Variants in RBP3 observed in about 807,000 individuals in gnomAD.
RBP3 encodes retinol-binding protein 3.
Under a neutral mutation model 64.8 loss-of-function variants are expected in RBP3, and 50 were observed. The ratio of observed to expected loss-of-function variants is 0.77; its 90% CI spans 0.61 to 0.98. The LOEUF (loss-of-function observed/expected upper bound fraction) is 0.98. Ranked by LOEUF, RBP3 falls within the 50% of genes least tolerant of loss-of-function variation. The pLI is 0.00. For missense variants in RBP3, 1,712 were observed against 1,660.5 expected, an observed-to-expected ratio of 1.03 and a Z score of -0.54; for synonymous variants, 828 against 730.2, an observed-to-expected ratio of 1.13 and a Z score of -2.16.
In RBP3 at chr10:47,348,783, C is replaced by G. The variant is rs143076262; in HGVS notation, c.299C>G (p.Pro100Arg). 42 of 1,613,616 alleles carry G rather than the reference C, an allele frequency of 2.6e-5. No individual in the cohort carries two copies. In the Middle Eastern group the frequency reaches 4.9e-4, roughly 19 times the overall value. ...SYEPSTPEPPPQVPALTSLSE... is the reference protein window; with the variant it reads ...SYEPSTPEPPRQVPALTSLSE... ...GAGCCCAGCACCCCCGAGCCTCCCCCACAAGTCCCAGCACTCACCAGCCTC... is the reference window on the plus strand; with the variant it reads ...GAGCCCAGCACCCCCGAGCCTCCCCGACAAGTCCCAGCACTCACCAGCCTC... The change falls in exon 1 of 4, where the codon CCA becomes CGA. Residue 100 changes from proline to arginine, a missense_variant. By Grantham distance (103) the Pro-to-Arg change is moderately radical. Coordinates refer to ENST00000584701, the MANE Select transcript of RBP3 (RefSeq NM_002900.3).
rs782460428 is a variant in RBP3, at chr10:47,348,567, T to C, written c.83T>C (p.Val28Ala). ...GPTHLFQPSL[V>A]LDMAKVLLDN... ...ACACACCTGTTCCAGCCAAGCCTGGTGCTGGACATGGCCAAGGTCCTCTTG... is the reference window on the plus strand; with the variant it reads ...ACACACCTGTTCCAGCCAAGCCTGGCGCTGGACATGGCCAAGGTCCTCTTG... Residue 28 changes from valine (V) to alanine (A), a missense_variant, in exon 1 of 4, where the codon GTG becomes GCG. Val to Ala is a moderately conservative substitution (Grantham distance 64). Coordinates refer to ENST00000584701, the MANE Select transcript of RBP3 (RefSeq NM_002900.3). The C allele has an allele frequency of 2.5e-6, 4 of 1,612,992 alleles. No individual in the cohort carries two copies. The highest frequency in any genetic ancestry group is 1.3e-5 in the African/African-American group (1 of 74,930).
chr10:47,354,983 G>A (rs1177723439), intron 2 of RBP3, among the ~76,000 whole-genome samples: 2 of 152,178 alleles, frequency 1.3e-5, no homozygotes, highest in Admixed American at 6.5e-5. Context: ...AGAATGCAAC[G>A]GGAAAAACAA....
Position 47,350,180 on chromosome 10 carries a change from G to A in RBP3, c.1696G>A (p.Gly566Ser). Residue 566 changes from glycine (G) to serine (S), a missense_variant, in exon 1 of 4, where the codon GGT becomes AGT. Physicochemically the swap from Gly to Ser is moderately conservative, Grantham distance 56. Coordinates refer to ENST00000584701, the MANE Select transcript of RBP3 (RefSeq NM_002900.3). ...GTCGCTGGGCTGGGCCACACTGGTAGGTGAGATCACCGCGGGCAACCTGCT... is the reference window on the plus strand; with the variant it reads ...GTCGCTGGGCTGGGCCACACTGGTAAGTGAGATCACCGCGGGCAACCTGCT... ...MQSLGWATLV[G>S]EITAGNLLHT... The A allele has an allele frequency of 1.9e-6, 3 of 1,611,966 alleles. No individual in the cohort carries two copies. The highest frequency in any genetic ancestry group is 2.2e-5 in the East Asian group (1 of 44,880).
chr10:47,349,326 C>T lies in RBP3; in HGVS notation c.842C>T (p.Pro281Leu). 1 of 1,612,676 alleles carries T rather than the reference C, an allele frequency of 6.2e-7. No individual in the cohort carries two copies. The highest frequency in any genetic ancestry group is 1.1e-5 in the South Asian group (1 of 91,078). ...GAGTCTGACTTCTTCTTCACGGTGC[C>T]CGTGTCCAGGTCCCTGGGGCCCCTT... ...IGESDFFFTV[P>L]VSRSLGPLGG... Residue 281 changes from proline to leucine, a missense_variant, in exon 1 of 4, where the codon CCC (proline) becomes CTC (leucine). By Grantham distance (98) the Pro-to-Leu change is moderately conservative. Transcript: ENST00000584701.
chr10:47,348,716 G>T lies in RBP3; in HGVS notation c.232G>T (p.Val78Leu), dbSNP rs782207485. The T allele has an allele frequency of 3.1e-6, 5 of 1,613,500 alleles. No individual in the cohort carries two copies. In the African/African-American group the frequency reaches 4.0e-5, roughly 13 times the overall value. ...GCTGGCCAGTGTGCTGACAGCCGGG[G>T]TGCAGAGCTCCCTGAACGATCCTCG... Reference protein sequence around the residue: ...QTLASVLTAGVQSSLNDPRLV... With the variant: ...QTLASVLTAGLQSSLNDPRLV... The change falls in exon 1 of 4, where the codon GTG (valine) becomes TTG (leucine). Residue 78 changes from valine to leucine, a missense_variant. Physicochemically the swap from Val to Leu is conservative, Grantham distance 32. Transcript: ENST00000584701.
chr10:47,349,398 T>G lies in RBP3; in HGVS notation c.914T>G (p.Val305Gly). The G allele has an allele frequency of 6.2e-7, 1 of 1,611,974 alleles. No homozygotes were observed. Among genetic ancestry groups the G allele is most frequent in the Non-Finnish European group, 8.5e-7 (1 of 1,179,962 alleles). The change falls in exon 1 of 4, where the codon GTG becomes GGG. Residue 305 changes from valine to glycine, a missense_variant. Val to Gly is a moderately radical substitution (Grantham distance 109, BLOSUM62 -3). Coordinates refer to ENST00000584701, the MANE Select transcript of RBP3 (RefSeq NM_002900.3). ...TWEGSGVLPC[V>G]GTPAEQALEK... ...GAGGGCAGCGGGGTGCTGCCCTGTGTGGGGACTCCGGCCGAGCAGGCCCTG... is the reference window on the plus strand; with the variant it reads ...GAGGGCAGCGGGGTGCTGCCCTGTGGGGGGACTCCGGCCGAGCAGGCCCTG...
chr10:47,350,390 C>T lies in RBP3; in HGVS notation c.1906C>T (p.Leu636=). ...GGAAGTGCTGGAGTTCCACCAAAGC[C>T]TGGGGGCCTTGGTGGAGGGCACAGG... ...AQEVLEFHQS[L]GALVEGTGHL... The change falls in exon 1 of 4, where the codon CTG becomes TTG. Residue 636 remains leucine (L), a synonymous_variant. Transcript: ENST00000584701. The T allele has an allele frequency of 6.2e-7, 1 of 1,612,540 alleles. No individual in the cohort carries two copies. Among genetic ancestry groups the T allele is most frequent in the Non-Finnish European group, 8.5e-7 (1 of 1,179,900 alleles).
rs2132255580 is a variant in RBP3 at position 47,351,169 on chromosome 10, C to A, written c.2685C>A (p.Thr895=). The change falls in exon 1 of 4, where the codon ACC becomes ACA. Residue 895 remains threonine, a synonymous_variant. Transcript: ENST00000584701. ...GCCCCTTATATGCATCCATGCCCAC[C>A]CAGATGGCCATGAGTGCCACCACAG... ...GSSPLYASMP[T]QMAMSATTGK... is the part of the protein sequence containing the mutation. The A allele has an allele frequency of 6.2e-7, 1 of 1,613,118 alleles. No individual in the cohort carries two copies. Among genetic ancestry groups the A allele is most frequent in the Non-Finnish European group, 8.5e-7 (1 of 1,180,028 alleles).
rs1257447323 is a variant in RBP3 at position 47,351,532 on chromosome 10, C to T, written c.3048C>T (p.Pro1016=). The T allele has an allele frequency of 6.2e-7, 1 of 1,613,652 alleles. No individual in the cohort carries two copies. Among genetic ancestry groups the T allele is most frequent in the Non-Finnish European group, 8.5e-7 (1 of 1,180,054 alleles). Residue 1016 remains proline, a synonymous_variant, in exon 1 of 4, where the codon CCC becomes CCT. Transcript: ENST00000584701. ...NAKDRIPGIV[P]MQIPSPEVFE... ...AGGACCGCATTCCTGGAATTGTGCC[C>T]ATGCAGGTGAGACCCAAGAGAGACC...
Position 47,357,489 on chromosome 10 carries a change from G to A in RBP3, c.*32G>A. ...GCCCCATAGGCAGAGCCCCAGGGCA[G>A]ACAGAACCTCTGGGACACACACCAA... On this transcript the variant is annotated 3_prime_UTR_variant, in exon 4 of 4. Transcript: ENST00000584701. The A allele has an allele frequency of 1.9e-6, 3 of 1,568,148 alleles. No individual in the cohort carries two copies. The highest frequency in any genetic ancestry group is 2.6e-6 in the Non-Finnish European group (3 of 1,154,690).
Position 47,350,795 on chromosome 10 carries a change from C to T in RBP3, c.2311C>T (p.Gln771Ter). Residue 771 changes from glutamine to a stop codon, truncating the protein, a stop_gained, in exon 1 of 4, where the codon CAG (glutamine) becomes TAG (stop). Transcript: ENST00000584701. LOFTEE classifies it high-confidence loss of function. ...ACAGCTGGTGCGGCTGGTATGGCAACAGCTGGTGGACACGGCTGCGCTGGT... is the reference window on the plus strand; with the variant it reads ...ACAGCTGGTGCGGCTGGTATGGCAATAGCTGGTGGACACGGCTGCGCTGGT... ...GPQLVRLVWQQLVDTAALVID... is the reference protein window; with the variant it reads ...GPQLVRLVWQ The T allele has an allele frequency of 1.2e-6, 2 of 1,613,060 alleles. No homozygotes were observed.
At position 47,350,359 on chromosome 10, in the gene RBP3, A is replaced by G; in HGVS notation, c.1875A>G (p.Lys625=). The G allele has an allele frequency of 6.2e-7, 1 of 1,612,410 alleles. No homozygotes were observed. Residue 625 remains lysine, a synonymous_variant, in exon 1 of 4, where the codon AAA becomes AAG. Coordinates refer to ENST00000584701, the MANE Select transcript of RBP3 (RefSeq NM_002900.3). The part of the protein sequence containing the change: ...AIVLAEEALD[K]AQEVLEFHQS... The stretch of plus-strand genomic sequence containing the variant: ...TGCTGGCCGAGGAGGCCCTGGACAA[A>G]GCCCAGGAAGTGCTGGAGTTCCACC...
Position 47,350,572 on chromosome 10 carries a change from C to A in RBP3, c.2088C>A (p.Asp696Glu). 1 of 1,612,976 alleles carries A rather than the reference C, an allele frequency of 6.2e-7. No homozygotes were observed. Among genetic ancestry groups the A allele is most frequent in the East Asian group, 2.2e-5 (1 of 44,888 alleles). The part of the protein sequence containing the change: ...LTADLQEVSG[D>E]HRLLVFHSPG... Reference sequence around the variant, plus strand: ...CAGACCTCCAGGAGGTGTCTGGGGACCACCGCTTGCTAGTGTTCCACAGCC... The same window carrying A: ...CAGACCTCCAGGAGGTGTCTGGGGAACACCGCTTGCTAGTGTTCCACAGCC... The change falls in exon 1 of 4, where the codon GAC becomes GAA. Residue 696 changes from aspartate (D) to glutamate (E), a missense_variant. Asp to Glu is a conservative substitution (Grantham distance 45). Transcript: ENST00000584701.
chr10:47,353,475 A>G lies in RBP3; in HGVS notation c.3205A>G (p.Lys1069Glu). ...CAGGCTGCTGGTGGAGCACATCTGG[A>G]AGAAGATCATGCACACGGATGCCAT... ...VSRLLVEHIW[K>E]KIMHTDAMII... Residue 1069 changes from lysine to glutamate, a missense_variant, in exon 2 of 4, where the codon AAG (lysine) becomes GAG (glutamate). Physicochemically the swap from Lys to Glu is moderately conservative, Grantham distance 56. Transcript: ENST00000584701. The G allele has an allele frequency of 2.5e-6, 4 of 1,614,126 alleles. No homozygotes were observed. Among genetic ancestry groups the G allele is most frequent in the Non-Finnish European group, 2.5e-6 (3 of 1,180,028 alleles).
chr10:47,351,622 T>C, intron 1 of RBP3, 84 bp downstream of exon 1: 4 of 1,494,314 alleles, frequency 2.7e-6, no homozygotes, highest in Non-Finnish European at 2.8e-6. Flanking sequence ...CTGTGCACAG[T>C]GCGTGACAAT....
At chr10:47,354,015 A>T (rs995066084) in intron 2 of RBP3, among the ~76,000 whole-genome samples, 11 of 152,252 alleles carry the variant, frequency 7.2e-5, no homozygotes, top group African/African-American at 9.6e-5. Flanking sequence ...TGGTCATATG[A>T]ATCGTACAGG....
rs143324951 is a variant in RBP3, at chr10:47,349,343, G to C, written c.859G>C (p.Gly287Arg). 17 of 1,612,420 alleles carry C rather than the reference G, an allele frequency of 1.1e-5. No individual in the cohort carries two copies. Among genetic ancestry groups the C allele is most frequent in the Admixed American group, 1.7e-5 (1 of 59,992 alleles). ...CACGGTGCCCGTGTCCAGGTCCCTGGGGCCCCTTGGTGGAGGCAGCCAGAC... is the reference window on the plus strand; with the variant it reads ...CACGGTGCCCGTGTCCAGGTCCCTGCGGCCCCTTGGTGGAGGCAGCCAGAC... ...FFTVPVSRSLGPLGGGSQTWE... is the reference protein window; with the variant it reads ...FFTVPVSRSLRPLGGGSQTWE... Residue 287 changes from glycine to arginine, a missense_variant, in exon 1 of 4, where the codon GGG becomes CGG. By Grantham distance (125) the Gly-to-Arg change is moderately radical (BLOSUM62 -2). Transcript: ENST00000584701.
intron 1 of RBP3, among the ~76,000 whole-genome samples, chr10:47,352,185 A>C (rs1421240374): frequency 2.6e-5 from 4 of 152,112 alleles, no homozygotes; most frequent in African/African-American, 9.7e-5. Context: ...TGAAGGAGGG[A>C]GCAGGGAGAG....
Position 47,350,762 on chromosome 10 carries a change from G to A in RBP3, c.2278G>A (p.Val760Met), listed in dbSNP as rs782109249. Reference sequence around the variant, plus strand: ...GGCTGAACTGGAGACAGTGAAGGCCGTGGGGCCACAGCTGGTGCGGCTGGT... The same window carrying A: ...GGCTGAACTGGAGACAGTGAAGGCCATGGGGCCACAGCTGGTGCGGCTGGT... ...AMAELETVKAVGPQLVRLVWQ... is the reference protein window; with the variant it reads ...AMAELETVKAMGPQLVRLVWQ... The change falls in exon 1 of 4, where the codon GTG becomes ATG. Residue 760 changes from valine to methionine, a missense_variant. Transcript: ENST00000584701. 9.9e-6 allele frequency: 16 copies of A among 1,613,052 alleles called. No individual in the cohort carries two copies. The highest frequency in any genetic ancestry group is 2.7e-5 in the African/African-American group (2 of 74,918).
Sources: gnomAD v4.1 joint callset for allele counts (sites outside exome capture counted in the v4.1 genomes callset) on GRCh38, gnomAD v4.1.1 for gene constraint, MANE v1.5 for transcripts, NCBI Gene and HGNC (gene_info 2026-07-23, HGNC 2026-07-21) for gene names.